RBPJ: variants seen among roughly 807,000 people sequenced by gnomAD.
RBPJ encodes the protein recombination signal binding protein for immunoglobulin kappa J region.
A neutral mutation model predicts 67.8 loss-of-function variants in RBPJ; 9 were observed. The ratio of observed to expected loss-of-function variants is 0.13; its 90% CI spans 0.08 to 0.23. The LOEUF is 0.23. RBPJ is among the 10% of genes least tolerant of loss of function. RBPJ has a pLI of 1.00. For missense variants in RBPJ, 305 were observed against 595.6 expected, an observed-to-expected ratio of 0.51 and a Z score of 5.08; for synonymous variants, 198 against 203.3, an observed-to-expected ratio of 0.97 and a Z score of 0.22.
chr4:26,130,669 C>T, the RBPJ span, among the ~76,000 whole-genome samples: 18 of 152,298 alleles, frequency 1.2e-4, no homozygotes, highest in African/African-American at 3.9e-4. Context: ...CTTCAATGAT[C>T]TACTCCTTTT....
At chr4:26,330,811 G>A (rs527934289) in intron 1 of RBPJ, among the ~76,000 whole-genome samples, 10 of 152,308 alleles carry the variant, frequency 6.6e-5, no homozygotes, top group Non-Finnish European at 1.5e-4. Flanking sequence ...GTGTACTGAT[G>A]CTAGGCTATG....
chr4:26,186,812 AT>A (rs1409157820), intron 1 of RBPJ, among the ~76,000 whole-genome samples: 1 of 152,192 alleles, frequency 6.6e-6, no homozygotes, highest in Admixed American at 6.6e-5. Flanking sequence ...AAGATTCTCA[AT>A]GTGTTATACC....
At chr4:26,112,654 C>T in the RBPJ span, 1 of 141,958 alleles carries the variant, frequency 7.0e-6, no homozygotes. Flanking sequence ...TCAAAGAACT[C>T]ATTTGGAAAA....
Position 26,289,384 on chromosome 4 carries a change from C to CAAAAAAAAAAAAAA in RBPJ, c.-166-73052_-166-73039dup, listed in dbSNP as rs60159669. Among the ~76,000 whole-genome samples, 12 of 78,308 alleles carry CAAAAAAAAAAAAAA rather than the reference C, an allele frequency of 1.5e-4. 1 individual carries two copies. Among genetic ancestry groups the CAAAAAAAAAAAAAA allele is most frequent in the African/African-American group, 4.4e-4 (9 of 20,546 alleles). 51.4% of individuals were successfully genotyped at this position (78,308 alleles called of 152,430 possible). A position where few individuals can be genotyped will look rare whatever the true frequency, so the allele number is the denominator to read the frequency against. On this transcript the variant is annotated intron_variant, in intron 1 of 4. Coordinates refer to the RBPJ transcript ENST00000512351. ...TCAGCGACAGAGTGAGACTTGGTCT[C>CAAAAAAAAAAAAAA]AAAAAAAAAAAAAAAAAAAAAAAGA...
intron 1 of RBPJ, among the ~76,000 whole-genome samples, chr4:26,212,870 G>C (rs1718479090): frequency 2.0e-5 from 3 of 151,962 alleles, no homozygotes; most frequent in Admixed American, 2.0e-4. Context: ...TCCATAAAAG[G>C]CCCAAGAGGA....
intron 7 of RBPJ, among the ~76,000 whole-genome samples, chr4:26,426,389 A>T (rs574909598): frequency 1.3e-5 from 2 of 152,354 alleles, no homozygotes; most frequent in East Asian, 3.9e-4. Flanking sequence ...CTTGAAAGTC[A>T]TTAATTGAGG....
intron 1 of RBPJ, among the ~76,000 whole-genome samples, chr4:26,187,358 ATG>A (rs1717307457): frequency 1.3e-5 from 2 of 151,968 alleles, no homozygotes; most frequent in Admixed American, 6.6e-5. Flanking sequence ...AATTTTTTTT[ATG>A]TGTTAAAGTC....
At chr4:26,158,455 ACAAAATTATTGATTAATAAAAG>A (rs1357248372), upstream of RBPJ, among the ~76,000 whole-genome samples, 1 of 152,198 alleles carries the variant, frequency 6.6e-6, no homozygotes. Flanking sequence ...TACTTGTACT[ACAAAATTATTGATTAATAAAAG>A]CCCCCTATGA....
intron 1 of RBPJ, among the ~76,000 whole-genome samples, chr4:26,190,723 T>C (rs2109139954): frequency 6.6e-6 from 1 of 152,192 alleles, no homozygotes; most frequent in East Asian, 1.9e-4. Context: ...TGTTTGACCC[T>C]TCTCTGTAAC....
At chr4:26,346,018 AACAC>A (rs146763637) in intron 1 of RBPJ, among the ~76,000 whole-genome samples, 7 of 151,608 alleles carry the variant, frequency 4.6e-5, no homozygotes, top group Non-Finnish European at 8.8e-5. Flanking sequence ...TGGAAATTAA[AACAC>A]ACACACACAC....
At chr4:26,319,968 G>A, upstream of RBPJ, 1 of 1,277,748 alleles carries the variant, frequency 7.8e-7, no homozygotes, top group South Asian at 1.4e-5. Flanking sequence ...GGGGGCTTCC[G>A]GGATCAGGCC....
At chr4:26,328,418 G>A (rs536964780) in intron 1 of RBPJ, among the ~76,000 whole-genome samples, 11 of 152,172 alleles carry the variant, frequency 7.2e-5, no homozygotes, top group Admixed American at 2.6e-4. Context: ...TTGGTAGAGT[G>A]TACACAGGTA....
chr4:26,124,900 A>T, the RBPJ span, among the ~76,000 whole-genome samples: 1 of 152,074 alleles, frequency 6.6e-6, no homozygotes, highest in Non-Finnish European at 1.5e-5. Context: ...GAATGTCCTT[A>T]TGTGGCACAC....
At chr4:26,317,692 T>C (rs1472538379), upstream of RBPJ, among the ~76,000 whole-genome samples, 1 of 152,134 alleles carries the variant, frequency 6.6e-6, no homozygotes, top group African/African-American at 2.4e-5. Context: ...AATGTGAGTA[T>C]ATTCTGAAGG....
chr4:26,136,608 G>A, the RBPJ span, among the ~76,000 whole-genome samples: 1 of 152,160 alleles, frequency 6.6e-6, no homozygotes, highest in African/African-American at 2.4e-5. Context: ...TCCTGGCAGT[G>A]GTCAGGCCTG....
intron 1 of RBPJ, among the ~76,000 whole-genome samples, chr4:26,258,062 G>A (rs965291844): frequency 8.5e-5 from 13 of 152,188 alleles, no homozygotes; most frequent in Non-Finnish European, 1.3e-4. Flanking sequence ...TCAGATAGTC[G>A]GGAAATGTGT....
At chr4:26,116,957 T>C in the RBPJ span, among the ~76,000 whole-genome samples, 1 of 152,316 alleles carries the variant, frequency 6.6e-6, no homozygotes, top group South Asian at 2.1e-4. Flanking sequence ...AGCCCAGGTC[T>C]AGATTAAAGC....
At chr4:26,226,805 C>T (rs1719090774) in intron 1 of RBPJ, among the ~76,000 whole-genome samples, 1 of 152,072 alleles carries the variant, frequency 6.6e-6, no homozygotes, top group Non-Finnish European at 1.5e-5. Flanking sequence ...CCACACATAA[C>T]CAATCAATTT....
chr4:26,320,895 C>A, upstream of RBPJ: 2 of 1,579,326 alleles, frequency 1.3e-6, no homozygotes. Context: ...GCGGCGGCGG[C>A]GAGGGGAAAG....
Sources: gnomAD v4.1 joint callset for allele counts (sites outside exome capture counted in the v4.1 genomes callset) on GRCh38, gnomAD v4.1.1 for gene constraint, MANE v1.5 for transcripts, NCBI Gene and HGNC (gene_info 2026-07-23, HGNC 2026-07-21) for gene names.